Variants in RNF122 observed in about 807,000 individuals in gnomAD.
RNF122 encodes the protein ring finger protein 122.
A neutral mutation model predicts 24.2 loss-of-function variants in RNF122; 17 were observed. That is an observed-to-expected ratio of 0.70 (90% CI 0.48 to 1.06). The LOEUF (loss-of-function observed/expected upper bound fraction) is 1.06. Among genes scored for constraint, RNF122 ranks in the 50% least tolerant of loss-of-function variants. RNF122 has a pLI of 0.00. For synonymous variants in RNF122, 65 were observed against 71.8 expected, an observed-to-expected ratio of 0.91 and a Z score of 0.48; for missense variants, 168 against 198.1, an observed-to-expected ratio of 0.85 and a Z score of 0.91.
In RNF122 at chr8:33,556,179, C is replaced by CAAAAAAAAA. The variant is rs538829399; in HGVS notation, c.182+2427_182+2435dup. Among the ~76,000 whole-genome samples, 69 of 33,988 alleles carry CAAAAAAAAA rather than the reference C, an allele frequency of 2.0e-3. 3 individuals are homozygous for CAAAAAAAAA. The highest frequency in any genetic ancestry group is 6.5e-3 in the African/African-American group (63 of 9,742). The allele number at this position is 33,988 out of a possible 152,430, so 22.3% of individuals were successfully genotyped here. A position where few individuals can be genotyped will look rare whatever the true frequency, so the allele number is the denominator to read the frequency against. ...TGGGCAACAGAGCAAGACCCTGTCT[C>CAAAAAAAAA]AAAAAAAAAAAAAAAAAAAAAAAAA... On this transcript the variant is annotated intron_variant, in intron 2 of 5. Transcript: ENST00000256257.
At chr8:33,563,960 C>G (rs967392598) in intron 1 of RNF122, among the ~76,000 whole-genome samples, 9 of 152,128 alleles carry the variant, frequency 5.9e-5, no homozygotes, top group African/African-American at 2.2e-4. Flanking sequence ...AAGGCTTCCC[C>G]TTTATCTCCC....
intron 2 of RNF122, among the ~76,000 whole-genome samples, chr8:33,556,013 T>TA (rs1387682620): frequency 6.6e-6 from 1 of 151,228 alleles, no homozygotes; most frequent in African/African-American, 2.4e-5. Context: ...ACAAAAAATA[T>TA]AAAAATTATC....
intron 1 of RNF122, among the ~76,000 whole-genome samples, chr8:33,566,274 T>G (rs775031015): frequency 1.4e-4 from 22 of 152,184 alleles, no homozygotes; most frequent in Non-Finnish European, 2.6e-4. Flanking sequence ...ACGGTATACA[T>G]ATTTACAATA....
chr8:33,554,266 C>T (rs925779590), intron 2 of RNF122, among the ~76,000 whole-genome samples: 1 of 152,160 alleles, frequency 6.6e-6, no homozygotes, highest in Non-Finnish European at 1.5e-5. Context: ...TGGTGAAAAG[C>T]CTGTGTTTTT....
Position 33,549,424 on chromosome 8 carries a change from G to A in RNF122, c.339C>T (p.His113=), listed in dbSNP as rs143915374. The change falls in exon 5 of 6, where the codon CAC becomes CAT. Residue 113 remains histidine, a synonymous_variant. Coordinates refer to ENST00000256257, the MANE Select transcript of RNF122 (RefSeq NM_024787.3). ...KDELGVLPCQ[H]AFHRKCLVKW... ...TTCCCACGTACTTGCGGTGAAAGGC[G>A]TGTTGGCACGGGAGCACGCCTAACT... 7.9e-5 allele frequency: 127 copies of A among 1,613,716 alleles called. No homozygotes were observed. The highest frequency in any genetic ancestry group is 9.2e-5 in the Non-Finnish European group (109 of 1,179,720).
In RNF122 at chr8:33,564,880, T is replaced by A. The variant is rs1201510347; in HGVS notation, c.25+1819A>T. On this transcript the variant is annotated intron_variant, in intron 1 of 5. Coordinates refer to ENST00000256257, the MANE Select transcript of RNF122 (RefSeq NM_024787.3). ...AGAGCGAAACTCAGTCTCAAAAAAA[T>A]AAAAAATAAAAAATAAAAAAAATAA... 2.8e-3 allele frequency among the ~76,000 whole-genome samples: 425 copies of A among 150,346 alleles called. 2 individuals are homozygous for A. Among genetic ancestry groups the A allele is most frequent in the African/African-American group, 1.0e-2 (404 of 40,572 alleles).
intron 2 of RNF122, among the ~76,000 whole-genome samples, chr8:33,556,302 A>AGAGATG (rs1810451985): frequency 6.6e-6 from 1 of 150,832 alleles, no homozygotes; most frequent in African/African-American, 2.4e-5. Context: ...TCATTTTTGT[A>AGAGATG]GAGATGGAGT....
At position 33,566,943 on chromosome 8, in the gene RNF122, C is replaced by G. The variant is rs1427102320; in HGVS notation, c.-220G>C. 3 of 589,424 alleles carry G rather than the reference C, an allele frequency of 5.1e-6. No homozygotes were observed. In the African/African-American group the frequency reaches 5.7e-5, roughly 11 times the overall value. 36.5% of individuals were successfully genotyped at this position (589,424 alleles called of 1,614,324 possible). On this transcript the variant is annotated 5_prime_UTR_variant, in exon 1 of 6. Transcript: ENST00000256257. The stretch of plus-strand genomic sequence containing the variant: ...GACGAGGAGGAAACAAACAAAGTCC[C>G]GCGGAGCACAGCCGCACGGAGCGCA...
chr8:33,549,535 A>C, intron 4 of RNF122, 43 bp from the exon 5 acceptor site: 1 of 1,446,364 alleles, frequency 6.9e-7, no homozygotes, highest in Non-Finnish European at 9.7e-7. Context: ...CTGGGGAACC[A>C]TCTCACTCAT....
At chr8:33,554,472 A>T (rs1810420912) in intron 2 of RNF122, among the ~76,000 whole-genome samples, 2 of 152,132 alleles carry the variant, frequency 1.3e-5, no homozygotes, top group South Asian at 4.2e-4. Context: ...ATCCTCCAAA[A>T]CTCAGAACAG....
At chr8:33,554,281 G>C (rs1461345958) in intron 2 of RNF122, among the ~76,000 whole-genome samples, 4 of 152,188 alleles carry the variant, frequency 2.6e-5, no homozygotes, top group East Asian at 1.9e-4. Flanking sequence ...GTTTTTAACT[G>C]TCTGGGGAAT....
chr8:33,554,869 A>C (rs577114818), intron 2 of RNF122, among the ~76,000 whole-genome samples: 10 of 152,184 alleles, frequency 6.6e-5, no homozygotes, highest in Non-Finnish European at 1.5e-4. Context: ...GAGGGGGAAG[A>C]ATGAGCGAGG....
chr8:33,556,385 A>G (rs1810452760), intron 2 of RNF122, among the ~76,000 whole-genome samples: 1 of 152,068 alleles, frequency 6.6e-6, no homozygotes, highest in South Asian at 2.1e-4. Context: ...AAGTGCTACA[A>G]TTACAGGCAA....
rs776387869 is a variant in RNF122 at position 33,566,734 on chromosome 8, G to A, written c.-11C>T. ...CTGGAATGGGTGCATCAATGAAGTCGCGGTTGGCTTCCTCGGGCGAACGGA... is the reference window on the plus strand; with the variant it reads ...CTGGAATGGGTGCATCAATGAAGTCACGGTTGGCTTCCTCGGGCGAACGGA... On this transcript the variant is annotated 5_prime_UTR_variant, in exon 1 of 6. Transcript: ENST00000256257. The A allele has an allele frequency of 6.9e-6, 11 of 1,604,260 alleles. No individual in the cohort carries two copies. The South Asian group carries it at 1.0e-4, about 15-fold the overall frequency.
intron 1 of RNF122, among the ~76,000 whole-genome samples, chr8:33,564,499 G>A (rs1563371291): frequency 6.6e-6 from 1 of 152,148 alleles, no homozygotes; most frequent in Non-Finnish European, 1.5e-5. Flanking sequence ...CTTCAGCCTG[G>A]GAGTTGGAGG....
chr8:33,548,700 C>G lies in RNF122; in HGVS notation c.*53G>C, dbSNP rs139140077. The G allele has an allele frequency of 2.0e-3, 2,197 of 1,110,484 alleles. 13 individuals carry two copies. Among genetic ancestry groups the G allele is most frequent in the African/African-American group, 0.014 (884 of 65,218 alleles). The allele number at this position is 1,110,484 out of a possible 1,614,324, so 68.8% of individuals were successfully genotyped here. A position where few individuals can be genotyped will look rare whatever the true frequency, so the allele number is the denominator to read the frequency against. On this transcript the variant is annotated 3_prime_UTR_variant, in exon 6 of 6. Transcript: ENST00000256257. ...GTTGGTTGGAGCTGTGCAGAGGGAC[C>G]AGACATCCATGAGGCAAGAGGTCTT... is the stretch of plus-strand genomic sequence containing the variant.
chr8:33,549,742 C>T (rs1355154305), intron 4 of RNF122, among the ~76,000 whole-genome samples: 2 of 152,134 alleles, frequency 1.3e-5, no homozygotes, highest in Non-Finnish European at 2.9e-5. Flanking sequence ...TTCAAGTGCT[C>T]AACAGCCACA....
At chr8:33,549,529 G>A in intron 4 of RNF122, 37 bp from the exon 5 acceptor site, 1 of 1,500,580 alleles carries the variant, frequency 6.7e-7, no homozygotes, top group Non-Finnish European at 9.3e-7. Context: ...GAGGAACTGG[G>A]GAACCATCTC....
chr8:33,553,622 G>A (rs921849802), intron 2 of RNF122, among the ~76,000 whole-genome samples: 4 of 152,168 alleles, frequency 2.6e-5, no homozygotes, highest in East Asian at 1.9e-4. Flanking sequence ...TGAGTGGATA[G>A]ATGGATGACT....
Sources: allele counts gnomAD v4.1 joint callset (sites outside exome capture counted in the v4.1 genomes callset), GRCh38; gene constraint gnomAD v4.1.1; transcripts MANE v1.5; gene names NCBI Gene and HGNC (gene_info 2026-07-23, HGNC 2026-07-21).